Variants in DIP2C observed in about 807,000 individuals in gnomAD.
DIP2C encodes the protein DIP2 acetate--CoA ligase C (putative), also known as disco-interacting protein 2 homolog C.
Under a neutral mutation model 192.4 loss-of-function variants are expected in DIP2C, and 33 were observed. That is an observed-to-expected ratio of 0.17 (90% CI 0.13 to 0.23). DIP2C has a LOEUF of 0.23. Ranked by LOEUF, DIP2C falls within the 10% of genes least tolerant of loss-of-function variation. The pLI is 1.00. For synonymous variants in DIP2C, 979 were observed against 864.1 expected (o/e 1.13, Z -2.33); for missense variants, 1,537 against 2,110.1 (o/e 0.73, Z 5.32).
In DIP2C at chr10:595,057, G is replaced by A. The variant is rs141156582; in HGVS notation, c.85+94437C>T. ...TGTCCGATGCCCGTTCACATCCACC[G>A]ACCCGCAGGTCTTCTACATGGCATC... On this transcript the variant is annotated intron_variant, in intron 1 of 36. Coordinates refer to ENST00000280886, the MANE Select transcript of DIP2C (RefSeq NM_014974.3). Among the ~76,000 whole-genome samples the A allele has an allele frequency of 3.8e-3, 585 of 152,268 alleles. 7 individuals carry two copies. Among genetic ancestry groups the A allele is most frequent in the African/African-American group, 0.013 (554 of 41,532 alleles).
chr10:549,022 G>C lies in DIP2C; in HGVS notation c.86-62492C>G, dbSNP rs190728799. ...CCAATCCCCCACCCTAACGTGAATG[G>C]GGGAAAAAGCCAAGTAGATTCTAGT... On this transcript the variant is annotated intron_variant, in intron 1 of 36. Coordinates refer to ENST00000280886, the MANE Select transcript of DIP2C (RefSeq NM_014974.3). Among the ~76,000 whole-genome samples the C allele has an allele frequency of 5.4e-3, 821 of 151,264 alleles. 9 individuals are homozygous for C. The highest frequency in any genetic ancestry group is 0.019 in the African/African-American group (766 of 40,978).
At chr10:365,977 C>A (rs182790191) in intron 19 of DIP2C, among the ~76,000 whole-genome samples, 19 of 152,214 alleles carry the variant, frequency 1.2e-4, no homozygotes, top group Non-Finnish European at 2.1e-4. Context: ...CCTTCACGCA[C>A]ACAAGTGCAC....
chr10:654,830 T>C (rs1856179792), intron 1 of DIP2C, among the ~76,000 whole-genome samples: 3 of 152,238 alleles, frequency 2.0e-5, no homozygotes. Flanking sequence ...TATTCTATAC[T>C]ACACTACTAT....
Position 551,335 on chromosome 10 carries a change from C to A in DIP2C, c.86-64805G>T, listed in dbSNP as rs1356644790. ...CAGGTGCCTGAGACACCCCAAGGGG[C>A]AGGCATGCCAGGGTAGGGCTTGGAG... On this transcript the variant is annotated intron_variant, in intron 1 of 36. Transcript: ENST00000280886. Among the ~76,000 whole-genome samples the A allele has an allele frequency of 2.0e-5, 3 of 152,194 alleles. No individual in the cohort carries two copies. The East Asian group carries it at 5.8e-4, about 29-fold the overall frequency.
intron 1 of DIP2C, among the ~76,000 whole-genome samples, chr10:585,768 G>C (rs1348345656): frequency 6.6e-6 from 1 of 152,150 alleles, no homozygotes; most frequent in Non-Finnish European, 1.5e-5. Flanking sequence ...ACTGAGGATT[G>C]TGGCAGAACA....
At chr10:586,037 G>A (rs1353426002) in intron 1 of DIP2C, among the ~76,000 whole-genome samples, 2 of 152,160 alleles carry the variant, frequency 1.3e-5, no homozygotes, top group Non-Finnish European at 2.9e-5. Flanking sequence ...GGACTCCTGG[G>A]CAGAAACGGC....
intron 18 of DIP2C, 63 bp from the exon 19 acceptor site, chr10:366,474 CAG>C (rs1409736474): frequency 1.9e-5 from 31 of 1,606,910 alleles, no homozygotes; most frequent in Non-Finnish European, 2.5e-5. Flanking sequence ...ATAAAGGAAA[CAG>C]GGAAGACGCG....
At chr10:400,533 GCACA>G (rs1564663618) in intron 9 of DIP2C, among the ~76,000 whole-genome samples, 33 of 152,180 alleles carry the variant, frequency 2.2e-4, no homozygotes, top group East Asian at 1.4e-3. Context: ...ATTTTCATCA[GCACA>G]TGAATCCTGT....
At chr10:490,801 A>C (rs1275791735) in intron 1 of DIP2C, among the ~76,000 whole-genome samples, 2 of 152,226 alleles carry the variant, frequency 1.3e-5, no homozygotes, top group Non-Finnish European at 2.9e-5. Context: ...TTTCCGTAAG[A>C]ATTAAAATTT....
At chr10:638,052 G>T (rs1854934469) in intron 1 of DIP2C, among the ~76,000 whole-genome samples, 1 of 152,174 alleles carries the variant, frequency 6.6e-6, no homozygotes, top group African/African-American at 2.4e-5. Flanking sequence ...CTCTTCTGAA[G>T]CCCCCGAGAC....
chr10:577,042 T>C (rs1003766519), intron 1 of DIP2C, among the ~76,000 whole-genome samples: 1 of 152,252 alleles, frequency 6.6e-6, no homozygotes, highest in African/African-American at 2.4e-5. Flanking sequence ...TACAATCTTG[T>C]ATATCTTTCT....
At chr10:455,323 G>GGTGGCCCAT (rs1564733609) in intron 3 of DIP2C, among the ~76,000 whole-genome samples, 8 of 144,774 alleles carry the variant, frequency 5.5e-5, no homozygotes, top group Non-Finnish European at 1.1e-4. Flanking sequence ...CTGCCTGAGG[G>GGTGGCCCAT]GAGACCGTGA....
intron 1 of DIP2C, chr10:641,811 C>T (rs1179527552): frequency 6.5e-6 from 1 of 153,632 alleles, no homozygotes; most frequent in Non-Finnish European, 1.5e-5. Context: ...AGAAGAAATG[C>T]TGGAATTCGA....
rs146972703 is a variant in DIP2C at position 601,342 on chromosome 10, C to T, written c.85+88152G>A. Among the ~76,000 whole-genome samples the T allele has an allele frequency of 6.4e-3, 746 of 115,754 alleles. 6 individuals are homozygous for T. The highest frequency in any genetic ancestry group is 0.02 in the African/African-American group (694 of 35,262). 75.9% of individuals were successfully genotyped at this position (115,754 alleles called of 152,430 possible). On this transcript the variant is annotated intron_variant, in intron 1 of 36. Transcript: ENST00000280886. ...AAAACTACATCCATGCTTCAAAAAC[C>T]ACCATTCCCATTTTAGATGTCCAAA...
At chr10:510,087 G>C (rs952148278) in intron 1 of DIP2C, among the ~76,000 whole-genome samples, 1 of 152,222 alleles carries the variant, frequency 6.6e-6, no homozygotes, top group African/African-American at 2.4e-5. Flanking sequence ...CGAACGGAGG[G>C]AGTTATCTGT....
At chr10:417,617 C>T (rs1479198384) in intron 6 of DIP2C, among the ~76,000 whole-genome samples, 1 of 146,274 alleles carries the variant, frequency 6.8e-6, no homozygotes, top group Non-Finnish European at 1.5e-5. Flanking sequence ...TCCCTGTCTG[C>T]CTGCGCCTGT....
At chr10:674,479 A>C (rs1830786336) in intron 1 of DIP2C, among the ~76,000 whole-genome samples, 1 of 152,126 alleles carries the variant, frequency 6.6e-6, no homozygotes. Context: ...TAGTAGATCT[A>C]AATAGAGAGG....
In DIP2C at chr10:484,853, C is replaced by T. The variant is rs376470334; in HGVS notation, c.157+1606G>A. On this transcript the variant is annotated intron_variant, in intron 2 of 36. Transcript: ENST00000280886. ...CGCTCCCGAGCCGCAGCTTCTCGGACGTCGCACACCCCGATGTGGGCAGAG... is the reference window on the plus strand; with the variant it reads ...CGCTCCCGAGCCGCAGCTTCTCGGATGTCGCACACCCCGATGTGGGCAGAG... 47 of 1,611,654 alleles carry T rather than the reference C, an allele frequency of 2.9e-5. No individual in the cohort carries two copies. In the East Asian group the frequency reaches 6.7e-4, roughly 23 times the overall value.
intron 3 of DIP2C, among the ~76,000 whole-genome samples, chr10:452,810 G>C (rs542974556): frequency 2.7e-4 from 41 of 152,264 alleles, no homozygotes; most frequent in African/African-American, 9.1e-4. Context: ...CTGGCCAGTG[G>C]CCCAAATCCC....
Sources: allele counts gnomAD v4.1 joint callset (sites outside exome capture counted in the v4.1 genomes callset), GRCh38; gene constraint gnomAD v4.1.1; transcripts MANE v1.5; gene names NCBI Gene and HGNC (gene_info 2026-07-23, HGNC 2026-07-21).